AFG2B: variants seen among roughly 807,000 people sequenced by gnomAD.
AFG2B encodes AAA ATPase AFG2B.
chr15:45,407,240 T>C, the AFG2B span: 13 of 1,187,084 alleles, frequency 1.1e-5, no homozygotes, highest in East Asian at 7.1e-4. Flanking sequence ...GCTCCATCTT[T>C]TATTCTTTCC....
the AFG2B span, chr15:45,402,757 G>T: frequency 1.3e-6 from 2 of 1,576,690 alleles, no homozygotes; most frequent in Non-Finnish European, 1.7e-6. Flanking sequence ...CCTGCGGCGC[G>T]TCGCCGTGTG....
the AFG2B span, among the ~76,000 whole-genome samples, chr15:45,409,867 A>G: frequency 6.6e-6 from 1 of 152,206 alleles, no homozygotes; most frequent in Non-Finnish European, 1.5e-5. Flanking sequence ...ACCCTGTCTC[A>G]AAATAAACAA....
the AFG2B span, chr15:45,407,100 A>C: frequency 8.5e-6 from 11 of 1,289,214 alleles, no homozygotes; most frequent in African/African-American, 1.5e-5. Context: ...GGTGGAGCCC[A>C]CTGCTACTTC....
chr15:45,407,242 A>G, the AFG2B span: 2 of 1,184,984 alleles, frequency 1.7e-6, no homozygotes, highest in Non-Finnish European at 2.1e-6. Flanking sequence ...TCCATCTTTT[A>G]TTCTTTCCCC....
At chr15:45,417,030 A>G in the AFG2B span, 1 of 373,946 alleles carries the variant, frequency 2.7e-6, no homozygotes, top group African/African-American at 2.0e-5. Context: ...AGGTTCTCAT[A>G]TGGAGAATGT....
At chr15:45,414,951 C>T in the AFG2B span, among the ~76,000 whole-genome samples, 2 of 151,892 alleles carry the variant, frequency 1.3e-5, no homozygotes, top group Non-Finnish European at 1.5e-5. Flanking sequence ...CTTCATAATC[C>T]TCCTACCTAC....
chr15:45,403,556 A>G, the AFG2B span: 1 of 1,582,368 alleles, frequency 6.3e-7, no homozygotes, highest in Non-Finnish European at 8.5e-7. Context: ...TGTCGGTGGA[A>G]CCTCGGCCGC....
chr15:45,419,829 A>T, the AFG2B span, among the ~76,000 whole-genome samples: 1 of 152,004 alleles, frequency 6.6e-6, no homozygotes, highest in African/African-American at 2.4e-5. Flanking sequence ...CAACCTGGGC[A>T]ACATGGGGAG....
chr15:45,420,532 T>G, the AFG2B span, among the ~76,000 whole-genome samples: 1 of 152,236 alleles, frequency 6.6e-6, no homozygotes, highest in East Asian at 1.9e-4. Flanking sequence ...TTTAATGCTT[T>G]CTTTTTTCCC....
At chr15:45,419,058 A>G in the AFG2B span, among the ~76,000 whole-genome samples, 3 of 152,162 alleles carry the variant, frequency 2.0e-5, no homozygotes, top group African/African-American at 7.2e-5. Flanking sequence ...GGAAGGGGGA[A>G]TGTTTGAGGT....
At chr15:45,404,819 A>G in the AFG2B span, among the ~76,000 whole-genome samples, 18 of 151,132 alleles carry the variant, frequency 1.2e-4, no homozygotes, top group Non-Finnish European at 2.5e-4. Flanking sequence ...AAAAAAAAAA[A>G]AAAAGAAAAA....
chr15:45,402,489 C>T, the AFG2B span: 51 of 1,609,684 alleles, frequency 3.2e-5, no homozygotes, highest in Admixed American at 1.5e-4. Context: ...TACCCTTAGA[C>T]GCTAGAGACC....
At chr15:45,412,413 T>A in the AFG2B span, among the ~76,000 whole-genome samples, 677 of 151,670 alleles carry the variant, frequency 4.5e-3, 2 homozygotes, top group Non-Finnish European at 7.2e-3. Flanking sequence ...AAAAAAAAAA[T>A]TATAATCTAA....
At chr15:45,405,359 A>G in the AFG2B span, 6 of 1,614,044 alleles carry the variant, frequency 3.7e-6, no homozygotes, top group Middle Eastern at 1.6e-4. Context: ...AAGAAAGGAA[A>G]TTCTGCAAGT....
the AFG2B span, chr15:45,406,914 G>A: frequency 1.1e-6 from 1 of 882,692 alleles, no homozygotes; most frequent in Middle Eastern, 2.6e-4. Flanking sequence ...AAAACTACTT[G>A]AAGTTTTAAA....
chr15:45,403,524 T>A, the AFG2B span: 1 of 1,602,026 alleles, frequency 6.2e-7, no homozygotes, highest in Non-Finnish European at 8.5e-7. Context: ...GAGAGGTGAA[T>A]GGGCTTGGCG....
the AFG2B span, among the ~76,000 whole-genome samples, chr15:45,413,564 T>G: frequency 1.3e-5 from 2 of 152,192 alleles, no homozygotes; most frequent in South Asian, 4.1e-4. Flanking sequence ...ATCCATCCCT[T>G]CCACACCATC....
At chr15:45,405,552 A>T in the AFG2B span, 1 of 1,568,592 alleles carries the variant, frequency 6.4e-7, no homozygotes, top group Non-Finnish European at 8.7e-7. Context: ...TATTATTGTA[A>T]CAGATTAATT....
chr15:45,403,527 G>C, the AFG2B span: 1 of 1,600,040 alleles, frequency 6.2e-7, no homozygotes, highest in Non-Finnish European at 8.5e-7. Context: ...AGGTGAATGG[G>C]CTTGGCGGGT....
Sources: gnomAD v4.1 joint callset for allele counts (sites outside exome capture counted in the v4.1 genomes callset) on GRCh38, gnomAD v4.1.1 for gene constraint, MANE v1.5 for transcripts, NCBI Gene and HGNC (gene_info 2026-07-23, HGNC 2026-07-21) for gene names.